The following CNTN5 variants were observed in gnomAD, a reference collection of about 807,000 sequenced individuals.
The protein encoded by CNTN5 is contactin-5.
In CNTN5, 77 loss-of-function variants were observed where a neutral mutation model predicts 129.1. That is an observed-to-expected ratio of 0.60 (90% CI 0.50 to 0.72). The LOEUF (loss-of-function observed/expected upper bound fraction) is 0.72, where lower values mean the gene tolerates loss of function less well. CNTN5 is among the 30% of genes least tolerant of loss of function. CNTN5 has a pLI of 0.00. For synonymous variants in CNTN5, 509 were observed against 465.6 expected, an observed-to-expected ratio of 1.09 and a Z score of -1.20; for missense variants, 1,478 against 1,328.8, an observed-to-expected ratio of 1.11 and a Z score of -1.75.
intron 1 of CNTN5, among the ~76,000 whole-genome samples, chr11:99,258,936 T>A (rs1206608473): frequency 6.6e-6 from 1 of 151,836 alleles, no homozygotes; most frequent in Non-Finnish European, 1.5e-5. Context: ...CTGATTTGTG[T>A]TTTTTTATTA....
At chr11:99,365,761 A>T (rs1329780235) in intron 2 of CNTN5, among the ~76,000 whole-genome samples, 1 of 152,180 alleles carries the variant, frequency 6.6e-6, no homozygotes, top group Non-Finnish European at 1.5e-5. Context: ...ACAGTCTCTT[A>T]GTAAACATTT....
At chr11:99,735,162 G>C (rs1049742805) in intron 3 of CNTN5, among the ~76,000 whole-genome samples, 1 of 152,142 alleles carries the variant, frequency 6.6e-6, no homozygotes, top group African/African-American at 2.4e-5. Flanking sequence ...TCCTTATGGA[G>C]CTTACCTTTT....
intron 2 of CNTN5, among the ~76,000 whole-genome samples, chr11:99,367,166 C>G (rs530817043): frequency 6.6e-6 from 1 of 152,162 alleles, no homozygotes; most frequent in Admixed American, 6.6e-5. Flanking sequence ...AGACAAATAA[C>G]CAATATAATG....
chr11:99,260,921 T>A (rs993202168), intron 1 of CNTN5, among the ~76,000 whole-genome samples: 4 of 151,968 alleles, frequency 2.6e-5, no homozygotes, highest in African/African-American at 9.7e-5. Context: ...GGAAGCAAGA[T>A]GTGGGCATTT....
At chr11:99,996,613 A>G (rs1188759727) in intron 8 of CNTN5, among the ~76,000 whole-genome samples, 3 of 151,926 alleles carry the variant, frequency 2.0e-5, no homozygotes, top group African/African-American at 7.3e-5. Context: ...TATTCTTATG[A>G]TCTCCTCAAA....
chr11:99,342,665 G>C (rs1033283334), intron 2 of CNTN5, among the ~76,000 whole-genome samples: 11 of 148,598 alleles, frequency 7.4e-5, no homozygotes, highest in African/African-American at 2.7e-4. Flanking sequence ...AGGATCCCAG[G>C]AGATGGAGGT....
chr11:100,290,994 A>C (rs1216441244), intron 18 of CNTN5, among the ~76,000 whole-genome samples: 2 of 150,750 alleles, frequency 1.3e-5, no homozygotes, highest in Admixed American at 6.6e-5. Flanking sequence ...GCAGCCAAAA[A>C]ACACATGAAA....
chr11:100,356,153 C>G lies in CNTN5; in HGVS notation c.3236C>G (p.Ser1079Cys). Reference protein sequence around the residue: ...KITSAQSTLHSLSTSSSSVTL... With the variant: ...KITSAQSTLHCLSTSSSSVTL... The stretch of plus-strand genomic sequence containing the variant: ...ACAAGTGCACAGTCGACCCTTCACT[C>G]TCTCTCCACATCTTCGTCATCAGTC... Residue 1079 changes from serine (S) to cysteine (C), a missense_variant, in exon 25 of 25, where the codon TCT (serine) becomes TGT (cysteine). Transcript: ENST00000524871. 1 of 1,610,650 alleles carries G rather than the reference C, an allele frequency of 6.2e-7. No individual in the cohort carries two copies.
intron 3 of CNTN5, among the ~76,000 whole-genome samples, chr11:99,733,193 G>T (rs1483684315): frequency 1.3e-5 from 2 of 151,824 alleles, no homozygotes; most frequent in Non-Finnish European, 2.9e-5. Flanking sequence ...CATGGTGAGG[G>T]GTGCCTGTAA....
At chr11:99,739,087 G>C (rs932410376) in intron 3 of CNTN5, among the ~76,000 whole-genome samples, 7 of 152,126 alleles carry the variant, frequency 4.6e-5, no homozygotes, top group African/African-American at 1.4e-4. Flanking sequence ...ACCTTGTTCT[G>C]TGTTGCTCAC....
At chr11:99,582,081 A>G (rs1224463535) in intron 3 of CNTN5, among the ~76,000 whole-genome samples, 1 of 152,020 alleles carries the variant, frequency 6.6e-6, no homozygotes, top group Non-Finnish European at 1.5e-5. Context: ...TCCTTCACTT[A>G]TGAAGCTTAA....
intron 13 of CNTN5, among the ~76,000 whole-genome samples, chr11:100,146,251 GAAGAA>G (rs1182486012): frequency 5.3e-5 from 8 of 152,192 alleles, no homozygotes; most frequent in South Asian, 4.1e-4. Flanking sequence ...TTAAATATTA[GAAGAA>G]AAGAGCTCAA....
Position 100,355,504 on chromosome 11 carries a change from C to G in CNTN5, c.3200-613C>G, listed in dbSNP as rs564679685. Among the ~76,000 whole-genome samples, 7 of 151,914 alleles carry G rather than the reference C, an allele frequency of 4.6e-5. No individual in the cohort carries two copies. The South Asian group carries it at 1.4e-3, about 31-fold the overall frequency. ...AATAGTAAATACATAAGCCAAATAA[C>G]AGTCATTTGTTACCATTATCAATTA... On this transcript the variant is annotated intron_variant, in intron 24 of 24. Transcript: ENST00000524871.
intron 20 of CNTN5, among the ~76,000 whole-genome samples, chr11:100,305,949 A>T (rs1951338240): frequency 8.5e-6 from 1 of 118,020 alleles, no homozygotes; most frequent in African/African-American, 3.7e-5. Context: ...TGATTAGCTA[A>T]AAAAAAAAAA....
chr11:99,222,658 C>T (rs1463164093), intron 1 of CNTN5, among the ~76,000 whole-genome samples: 25 of 152,060 alleles, frequency 1.6e-4, no homozygotes, highest in Admixed American at 1.6e-3. Context: ...AGTACTCAGA[C>T]AATTTGTATT....
chr11:99,339,090 C>T (rs928798828), intron 2 of CNTN5, among the ~76,000 whole-genome samples: 2 of 151,168 alleles, frequency 1.3e-5, no homozygotes, highest in African/African-American at 4.9e-5. Context: ...TACCCCATCT[C>T]TATGATGTGC....
At chr11:100,030,608 T>C (rs1048338145) in intron 9 of CNTN5, among the ~76,000 whole-genome samples, 1 of 152,206 alleles carries the variant, frequency 6.6e-6, no homozygotes, top group African/African-American at 2.4e-5. Flanking sequence ...CTTTGGTGTA[T>C]ACCCTGTAGA....
intron 3 of CNTN5, among the ~76,000 whole-genome samples, chr11:99,626,740 A>T (rs528116740): frequency 5.3e-5 from 8 of 152,254 alleles, no homozygotes; most frequent in African/African-American, 1.9e-4. Flanking sequence ...TTAAGAACAT[A>T]CTGTGTATTT....
chr11:99,274,426 A>AT (rs971341456), intron 1 of CNTN5, among the ~76,000 whole-genome samples: 7 of 151,660 alleles, frequency 4.6e-5, no homozygotes, highest in African/African-American at 1.7e-4. Context: ...TTGCTTTAAA[A>AT]TTTTTTGAGA....
Sources: gnomAD v4.1 joint callset for allele counts (sites outside exome capture counted in the v4.1 genomes callset) on GRCh38, gnomAD v4.1.1 for gene constraint, MANE v1.5 for transcripts, NCBI Gene and HGNC (gene_info 2026-07-23, HGNC 2026-07-21) for gene names.